ZNF606: variants seen among roughly 807,000 people sequenced by gnomAD.
ZNF606 encodes the protein zinc finger protein 606.
Under a neutral mutation model 74.9 loss-of-function variants are expected in ZNF606, and 37 were observed. The ratio of observed to expected loss-of-function variants is 0.49; its 90% confidence interval spans 0.38 to 0.65. The LOEUF (loss-of-function observed/expected upper bound fraction) is 0.65. Among genes scored for constraint, ZNF606 ranks in the 30% least tolerant of loss-of-function variants. ZNF606 has a pLI of 0.00. For synonymous variants in ZNF606, 328 were observed against 312.4 expected, an observed-to-expected ratio of 1.05 and a Z score of -0.53; for missense variants, 852 against 952.9, an observed-to-expected ratio of 0.89 and a Z score of 1.39.
intron 4 of ZNF606, among the ~76,000 whole-genome samples, chr19:57,989,465 G>A (rs182445800): frequency 8.9e-4 from 134 of 150,308 alleles, no homozygotes; most frequent in Non-Finnish European, 1.4e-3. Flanking sequence ...TTATTTTATC[G>A]AGACAGAGTC....
chr19:57,986,538 T>C (rs935320710), intron 6 of ZNF606, among the ~76,000 whole-genome samples: 1 of 152,042 alleles, frequency 6.6e-6, no homozygotes, highest in African/African-American at 2.4e-5. Flanking sequence ...AAAACAGCAA[T>C]AAAGATAGCT....
At position 57,979,238 on chromosome 19, in the gene ZNF606, T is replaced by C. The variant is rs1407666146; in HGVS notation, c.1442A>G (p.Glu481Gly). 6.2e-7 allele frequency: 1 copy of C among 1,613,802 alleles called. No individual in the cohort carries two copies. Among genetic ancestry groups the C allele is most frequent in the Admixed American group, 1.7e-5 (1 of 59,978 alleles). Residue 481 changes from glutamate (E) to glycine (G), a missense_variant, in exon 7 of 7, where the codon GAA (glutamate) becomes GGA (glycine). Glu to Gly is a moderately conservative substitution (Grantham distance 98). Around this residue, in one of 3 missense-constraint regions of ZNF606, gnomAD observed 243 missense variants for 359.2 expected, o/e 0.68. Transcript: ENST00000551380. The part of the protein sequence containing the change: ...LIVHKRIHTG[E>G]KPYVCNECGK... ...ACACTCATTACAAACATAAGGTTTT[T>C]CTCCTGTATGAATTCTCTTATGTAC...
At chr19:58,002,956 C>A (rs916485031), upstream of ZNF606, 4 of 455,842 alleles carry the variant, frequency 8.8e-6, no homozygotes, top group Non-Finnish European at 1.8e-5. Flanking sequence ...CTTTCTGGCA[C>A]CTGCGTCGAA....
At chr19:57,995,457 C>G (rs531585551) in intron 4 of ZNF606, among the ~76,000 whole-genome samples, 14 of 152,128 alleles carry the variant, frequency 9.2e-5, no homozygotes, top group African/African-American at 3.4e-4. Context: ...CTGTATCTAT[C>G]AACATGGATG....
chr19:57,979,061 A>C lies in ZNF606; in HGVS notation c.1619T>G (p.Phe540Cys). Residue 540 changes from phenylalanine to cysteine, a missense_variant, in exon 7 of 7, where the codon TTT (phenylalanine) becomes TGT (cysteine). By Grantham distance (205) the Phe-to-Cys change is radical (BLOSUM62 -2). This residue lies in a region of ZNF606 where 243 missense variants were observed against 359.2 expected (regional missense o/e 0.68). Coordinates refer to ENST00000551380, the MANE Select transcript of ZNF606 (RefSeq NM_001348022.3). ...HMRMHTGEKP[F>C]KCDECEKAFR... ...AGCTTTTTCACATTCATCACATTTA[A>C]AGGGTTTCTCTCCAGTATGCATTCT... 1.9e-6 allele frequency: 3 copies of C among 1,609,198 alleles called. No homozygotes were observed. The highest frequency in any genetic ancestry group is 2.5e-6 in the Non-Finnish European group (3 of 1,178,252).
In ZNF606 at chr19:57,978,491, T is replaced by C. The variant is rs775804145; in HGVS notation, c.2189A>G (p.His730Arg). The C allele has an allele frequency of 6.2e-7, 1 of 1,613,724 alleles. No individual in the cohort carries two copies. Among genetic ancestry groups the C allele is most frequent in the African/African-American group, 1.3e-5 (1 of 74,930 alleles). Residue 730 changes from histidine (H) to arginine (R), a missense_variant, in exon 7 of 7, where the codon CAT (histidine) becomes CGT (arginine). Coordinates refer to ENST00000551380, the MANE Select transcript of ZNF606 (RefSeq NM_001348022.3). This position sits in a 1 kb window ranked among gnomAD's most constrained non-coding sequence, Gnocchi z 4.4. ...ACATTTGTAGGGCTTTTCTCCAGTA[T>C]GGTTTCTTAGGTGTACAATAAGGGA... The part of the protein sequence containing the change: ...SSSLIVHLRN[H>R]TGEKPYKCNH...
chr19:57,994,300 T>G, intron 4 of ZNF606, among the ~76,000 whole-genome samples: 1 of 148,426 alleles, frequency 6.7e-6, no homozygotes, highest in East Asian at 2.0e-4. Flanking sequence ...TATAGAGAGA[T>G]CAGAGACACG....
chr19:57,978,384 A>G lies in ZNF606; in HGVS notation c.2296T>C (p.Cys766Arg). Residue 766 changes from cysteine (C) to arginine (R), a missense_variant, in exon 7 of 7, where the codon TGC becomes CGC. By Grantham distance (180) the Cys-to-Arg change is radical. Coordinates refer to ENST00000551380, the MANE Select transcript of ZNF606 (RefSeq NM_001348022.3). The surrounding 1 kb of genome is among the most constrained non-coding windows in gnomAD (Gnocchi z 4.4). ...RMHSGEKRFI[C>R]SECGKAFSGH... Reference sequence around the variant, plus strand: ...CTAAAGGCTTTTCCACATTCACTGCATATAAAGCGTTTCTCTCCACTATGC... The same window carrying G: ...CTAAAGGCTTTTCCACATTCACTGCGTATAAAGCGTTTCTCTCCACTATGC... 1 of 1,613,108 alleles carries G rather than the reference A, an allele frequency of 6.2e-7. No individual in the cohort carries two copies. Among genetic ancestry groups the G allele is most frequent in the Non-Finnish European group, 8.5e-7 (1 of 1,179,126 alleles).
At chr19:57,988,333 G>C (rs770251428) in intron 5 of ZNF606, 31 bp from the exon 6 acceptor site, 1 of 1,599,136 alleles carries the variant, frequency 6.3e-7, no homozygotes, top group Non-Finnish European at 8.6e-7. Context: ...TGGAAATCAT[G>C]TCATGAGGCT....
intron 2 of ZNF606, among the ~76,000 whole-genome samples, 189 bp from the exon 3 acceptor site, chr19:58,000,928 C>T (rs965672429): frequency 5.3e-5 from 8 of 152,266 alleles, no homozygotes; most frequent in South Asian, 2.1e-4. Context: ...TATTAATTAA[C>T]ACCGTTTTAA....
intron 2 of ZNF606, 112 bp from the exon 3 acceptor site, chr19:58,000,851 GC>G: frequency 9.9e-7 from 1 of 1,008,058 alleles, no homozygotes. Context: ...CATAAACAGA[GC>G]CCAAGGGTGT....
chr19:57,980,398 C>T lies in ZNF606; in HGVS notation c.401-119G>A, dbSNP rs183911576. The T allele has an allele frequency of 5.6e-5, 57 of 1,017,668 alleles. 1 individual carries two copies. The highest frequency in any genetic ancestry group is 2.7e-5 in the Admixed American group (1 of 37,270). 63.0% of individuals were successfully genotyped at this position (1,017,668 alleles called of 1,614,324 possible). The stretch of plus-strand genomic sequence containing the variant: ...ACTAGTATAAATTTGTTTTCAAGTC[C>T]AGGCTTAGAACTCAGAGAAAGATCA... On this transcript the variant is annotated intron_variant, in intron 6 of 6. Coordinates refer to ENST00000551380, the MANE Select transcript of ZNF606 (RefSeq NM_001348022.3).
chr19:57,988,751 C>T, intron 4 of ZNF606, 30 bp from the exon 5 acceptor site: 1 of 1,613,464 alleles, frequency 6.2e-7, no homozygotes, highest in Non-Finnish European at 8.5e-7. Flanking sequence ...CCTTCTCAGC[C>T]TGTGACCACC....
intron 1 of ZNF606, 26 bp downstream of exon 1, chr19:58,002,370 G>A (rs1367507594): frequency 2.2e-6 from 1 of 456,740 alleles, no homozygotes; most frequent in South Asian, 1.5e-5. Flanking sequence ...CGGCCGCGAC[G>A]CTGCAAAAGC....
In ZNF606 at chr19:57,978,375, A is replaced by G. The variant is rs747822561; in HGVS notation, c.2305T>C (p.Cys769Arg). ...GAGTGACCACTAAAGGCTTTTCCAC[A>G]TTCACTGCATATAAAGCGTTTCTCT... ...SGEKRFICSE[C>R]GKAFSGHSAL... The change falls in exon 7 of 7, where the codon TGT becomes CGT. Residue 769 changes from cysteine (C) to arginine (R), a missense_variant. Cys to Arg is a radical substitution (Grantham distance 180, BLOSUM62 -3). Coordinates refer to ENST00000551380, the MANE Select transcript of ZNF606 (RefSeq NM_001348022.3). The surrounding 1 kb of genome is among the most constrained non-coding windows in gnomAD (Gnocchi z 4.4). 1 of 1,610,724 alleles carries G rather than the reference A, an allele frequency of 6.2e-7. No homozygotes were observed. Among genetic ancestry groups the G allele is most frequent in the African/African-American group, 1.3e-5 (1 of 75,024 alleles).
At chr19:57,988,482 T>A in intron 5 of ZNF606, 113 bp downstream of exon 5, 1 of 1,492,230 alleles carries the variant, frequency 6.7e-7, no homozygotes, top group Non-Finnish European at 9.0e-7. Context: ...CCCAAGATCA[T>A]CTCAGCTCTT....
At chr19:57,989,936 C>T (rs1050190009) in intron 4 of ZNF606, among the ~76,000 whole-genome samples, 13 of 150,478 alleles carry the variant, frequency 8.6e-5, no homozygotes, top group Non-Finnish European at 4.4e-5. Flanking sequence ...CCTATAATCC[C>T]AGCTACTTGG....
At chr19:57,987,428 A>AT (rs575317776) in intron 6 of ZNF606, among the ~76,000 whole-genome samples, 2,814 of 149,748 alleles carry the variant, frequency 0.019, 49 homozygotes, top group Middle Eastern at 0.061. Context: ...AATAAAGGAG[A>AT]TTTTTTTTTT....
intron 6 of ZNF606, among the ~76,000 whole-genome samples, chr19:57,985,474 T>C (rs2073150252): frequency 6.6e-6 from 1 of 152,122 alleles, no homozygotes; most frequent in African/African-American, 2.4e-5. Context: ...TTTTCTAACA[T>C]TTACAGGCAA....
Sources: gnomAD v4.1 joint callset for allele counts (sites outside exome capture counted in the v4.1 genomes callset) on GRCh38, gnomAD v4.1.1 for gene constraint, gnomAD v4.1.1 regional missense constraint, Gnocchi (gnomAD v3.1) non-coding constraint, MANE v1.5 for transcripts, NCBI Gene and HGNC (gene_info 2026-07-23, HGNC 2026-07-21) for gene names.